ZNF407: variants seen among roughly 807,000 people sequenced by gnomAD.
ZNF407 encodes the protein zinc finger protein 407.
Under a neutral mutation model 131.2 loss-of-function variants are expected in ZNF407, and 17 were observed. That is an observed-to-expected ratio of 0.13 (90% CI 0.09 to 0.19). The LOEUF (loss-of-function observed/expected upper bound fraction) is 0.19. Among genes scored for constraint, ZNF407 ranks in the 10% least tolerant of loss-of-function variants. ZNF407 has a pLI of 1.00. For synonymous variants in ZNF407, 1,156 were observed against 1,062.0 expected, an observed-to-expected ratio of 1.09 and a Z score of -1.72; for missense variants, 2,681 against 2,830.6, an observed-to-expected ratio of 0.95 and a Z score of 1.20.
chr18:74,682,658 G>A (rs1967011356), intron 3 of ZNF407, among the ~76,000 whole-genome samples: 1 of 152,092 alleles, frequency 6.6e-6, no homozygotes, highest in African/African-American at 2.4e-5. Flanking sequence ...AGCCAAGTCG[G>A]TTTTCTTATT....
chr18:74,850,876 T>A (rs1016119176), intron 4 of ZNF407, among the ~76,000 whole-genome samples: 4 of 152,210 alleles, frequency 2.6e-5, no homozygotes, highest in African/African-American at 9.6e-5. Context: ...CCATTGCTAT[T>A]ATCATCAGCA....
intron 3 of ZNF407, among the ~76,000 whole-genome samples, chr18:74,683,214 A>C (rs1165389184): frequency 6.6e-6 from 1 of 152,232 alleles, no homozygotes. Flanking sequence ...AATGTGCAGC[A>C]TTGCAAATTT....
intron 4 of ZNF407, among the ~76,000 whole-genome samples, chr18:74,837,019 T>C (rs1472991040): frequency 6.6e-6 from 1 of 152,210 alleles, no homozygotes; most frequent in African/African-American, 2.4e-5. Flanking sequence ...AGATTCTGAA[T>C]TTCCTTCCAG....
At chr18:74,676,538 G>A (rs933630644) in intron 3 of ZNF407, among the ~76,000 whole-genome samples, 189 of 150,980 alleles carry the variant, frequency 1.3e-3, no homozygotes, top group African/African-American at 3.9e-3. Context: ...CCGGGTTCAC[G>A]CCATTCTCCT....
chr18:74,674,582 G>C (rs755395476), intron 3 of ZNF407, among the ~76,000 whole-genome samples: 1 of 152,036 alleles, frequency 6.6e-6, no homozygotes, highest in Admixed American at 6.5e-5. Flanking sequence ...TCTCTTTGTA[G>C]TCTTATTTTC....
intron 3 of ZNF407, among the ~76,000 whole-genome samples, chr18:74,649,401 A>G (rs1423722039): frequency 6.6e-6 from 1 of 152,194 alleles, no homozygotes; most frequent in Admixed American, 6.5e-5. Flanking sequence ...TCTTATGTCA[A>G]CACATCTGGT....
chr18:74,619,936 C>T, intron 1 of ZNF407, among the ~76,000 whole-genome samples: 1 of 151,850 alleles, frequency 6.6e-6, no homozygotes, highest in East Asian at 1.9e-4. Flanking sequence ...TAGGTGTCTG[C>T]TTTTAATGGC....
At chr18:74,644,373 AT>A (rs1984871063) in intron 3 of ZNF407, among the ~76,000 whole-genome samples, 2 of 151,878 alleles carry the variant, frequency 1.3e-5, no homozygotes, top group South Asian at 4.1e-4. Flanking sequence ...AACTATACCT[AT>A]TTTTTATAGT....
At chr18:74,984,722 C>A (rs1455059305) in intron 8 of ZNF407, among the ~76,000 whole-genome samples, 3 of 152,160 alleles carry the variant, frequency 2.0e-5, no homozygotes, top group Non-Finnish European at 4.4e-5. Context: ...AGAAATGCCA[C>A]CATTAATTAT....
intron 1 of ZNF407, among the ~76,000 whole-genome samples, chr18:74,620,060 C>T (rs906908705): frequency 6.7e-6 from 1 of 149,794 alleles, no homozygotes; most frequent in East Asian, 1.9e-4. Context: ...GATGGAAATG[C>T]CAATAAAGCA....
At chr18:74,928,892 T>G (rs1971946999) in intron 8 of ZNF407, among the ~76,000 whole-genome samples, 1 of 152,200 alleles carries the variant, frequency 6.6e-6, no homozygotes, top group Non-Finnish European at 1.5e-5. Flanking sequence ...TTTTGGCTTG[T>G]GTCTACTGCA....
intron 8 of ZNF407, among the ~76,000 whole-genome samples, chr18:74,939,576 T>G (rs186832801): frequency 1.3e-5 from 2 of 152,350 alleles, no homozygotes; most frequent in East Asian, 3.9e-4. Context: ...TTAACCTCAT[T>G]AGTTGTCACT....
intron 2 of ZNF407, among the ~76,000 whole-genome samples, chr18:74,639,159 G>C (rs1984595629): frequency 6.6e-6 from 1 of 152,140 alleles, no homozygotes; most frequent in African/African-American, 2.4e-5. Flanking sequence ...ACAGTAAATT[G>C]AACACACCAG....
chr18:74,917,991 G>T (rs1971795531), intron 7 of ZNF407, among the ~76,000 whole-genome samples: 1 of 152,146 alleles, frequency 6.6e-6, no homozygotes, highest in South Asian at 2.1e-4. Flanking sequence ...ACATGTTGGA[G>T]ATCTGCAGAA....
chr18:74,947,147 AT>A (rs763529012), intron 8 of ZNF407, among the ~76,000 whole-genome samples: 1 of 152,044 alleles, frequency 6.6e-6, no homozygotes, highest in African/African-American at 2.4e-5. Flanking sequence ...AAATTACCCT[AT>A]TTTTTCTCCT....
intron 8 of ZNF407, among the ~76,000 whole-genome samples, chr18:75,047,814 G>A (rs1307839808): frequency 6.6e-6 from 1 of 152,204 alleles, no homozygotes; most frequent in Non-Finnish European, 1.5e-5. Flanking sequence ...GTTTCTTTCA[G>A]CCAGCAAATG....
chr18:74,904,746 G>C (rs1051190195), intron 7 of ZNF407, among the ~76,000 whole-genome samples: 1 of 152,162 alleles, frequency 6.6e-6, no homozygotes, highest in African/African-American at 2.4e-5. Flanking sequence ...AAACATGAAA[G>C]GTGAACAAAG....
At chr18:74,700,920 C>T (rs543075466) in intron 3 of ZNF407, among the ~76,000 whole-genome samples, 1 of 152,120 alleles carries the variant, frequency 6.6e-6, no homozygotes, top group African/African-American at 2.4e-5. Flanking sequence ...TGAATTGTGT[C>T]CCTGAAAAAT....
At chr18:75,045,527 C>A (rs1421031452) in intron 8 of ZNF407, among the ~76,000 whole-genome samples, 2 of 152,176 alleles carry the variant, frequency 1.3e-5, no homozygotes, top group Non-Finnish European at 2.9e-5. Context: ...GCATGCCAGG[C>A]CCATCTGTGC....
Sources: allele counts gnomAD v4.1 joint callset (sites outside exome capture counted in the v4.1 genomes callset), GRCh38; gene constraint gnomAD v4.1.1; transcripts MANE v1.5; gene names NCBI Gene and HGNC (gene_info 2026-07-23, HGNC 2026-07-21).